RGS10: variants seen among roughly 807,000 people sequenced by gnomAD.
The protein encoded by RGS10 is regulator of G-protein signalling 10.
In RGS10, 11 loss-of-function variants were observed where a neutral mutation model predicts 23.5. The ratio of observed to expected loss-of-function variants is 0.47; its 90% CI spans 0.29 to 0.77. The LOEUF (loss-of-function observed/expected upper bound fraction) is 0.77, where lower values mean the gene tolerates loss of function less well. RGS10 is among the 30% of genes least tolerant of loss of function. RGS10 has a pLI of 0.08. For synonymous variants in RGS10, 77 were observed against 83.2 expected (o/e 0.92, Z 0.41); for missense variants, 180 against 226.3 (o/e 0.80, Z 1.31).
intron 1 of RGS10, among the ~76,000 whole-genome samples, chr10:119,541,579 A>G (rs564487020): frequency 1.3e-5 from 2 of 152,236 alleles, no homozygotes; most frequent in South Asian, 2.1e-4. Flanking sequence ...CTAAACCACA[A>G]TGTCCCTCAT....
At chr10:119,523,942 TC>T (rs1173969804) in intron 3 of RGS10, among the ~76,000 whole-genome samples, 1 of 152,000 alleles carries the variant, frequency 6.6e-6, no homozygotes, top group African/African-American at 2.4e-5. Context: ...CACAGTGGCC[TC>T]CCCCTCAAAC....
In RGS10 at chr10:119,527,382, C is replaced by A; in HGVS notation, c.92G>T (p.Ser31Ile). The A allele has an allele frequency of 6.2e-7, 1 of 1,614,254 alleles. No homozygotes were observed. ...CGCCCATTTGGCTGTGCTCTTGAGG[C>A]TCTGGTGGCTGCTGCTGGAACTGCC... ...SDGSSSSSHQ[S>I]LKSTAKWAAS... Residue 31 changes from serine (S) to isoleucine (I), a missense_variant, in exon 2 of 5, where the codon AGC (serine) becomes ATC (isoleucine). By Grantham distance (142) the Ser-to-Ile change is moderately radical (BLOSUM62 -2). Coordinates refer to ENST00000369103, the MANE Select transcript of RGS10 (RefSeq NM_001005339.2). The surrounding 1 kb of genome is among the most constrained non-coding windows in gnomAD (Gnocchi z 4.2).
chr10:119,515,803 G>A (rs182070022), intron 3 of RGS10, 151 bp from the exon 4 acceptor site: 6 of 872,560 alleles, frequency 6.9e-6, no homozygotes, highest in Non-Finnish European at 1.0e-5. Flanking sequence ...ACTCCAGAGA[G>A]AATTTCTATA....
intron 1 of RGS10, among the ~76,000 whole-genome samples, chr10:119,530,987 T>C (rs1323493020): frequency 6.6e-6 from 1 of 152,236 alleles, no homozygotes; most frequent in Non-Finnish European, 1.5e-5. Flanking sequence ...CTGATGCTTT[T>C]CTAAAGTGAC....
chr10:119,512,437 G>A (rs1844089510), intron 4 of RGS10, among the ~76,000 whole-genome samples: 1 of 152,054 alleles, frequency 6.6e-6, no homozygotes, highest in South Asian at 2.1e-4. Flanking sequence ...GGAACACAGG[G>A]GCCCTTCACA....
chr10:119,518,792 C>A (rs1437573987), intron 3 of RGS10, among the ~76,000 whole-genome samples: 1 of 151,902 alleles, frequency 6.6e-6, no homozygotes, highest in Non-Finnish European at 1.5e-5. Flanking sequence ...GCAAGCTCTG[C>A]CTCCCGGGTT....
intron 4 of RGS10, among the ~76,000 whole-genome samples, chr10:119,500,985 C>T (rs1406637254): frequency 6.6e-6 from 1 of 152,022 alleles, no homozygotes; most frequent in Non-Finnish European, 1.5e-5. Context: ...CTGCCCCCGC[C>T]GGCATGGCAG....
intron 2 of RGS10, among the ~76,000 whole-genome samples, chr10:119,526,990 G>A (rs1033324663): frequency 6.6e-6 from 1 of 152,048 alleles, no homozygotes; most frequent in Non-Finnish European, 1.5e-5. Flanking sequence ...ACGTCAGAGA[G>A]ACCCAGAGCT....
chr10:119,528,498 A>C (rs1844301271), intron 1 of RGS10, among the ~76,000 whole-genome samples: 1 of 152,084 alleles, frequency 6.6e-6, no homozygotes, highest in Admixed American at 6.6e-5. Context: ...ACTTTATTTA[A>C]ACTTCGGATA....
At chr10:119,504,291 G>A (rs1188177262) in intron 4 of RGS10, among the ~76,000 whole-genome samples, 1 of 152,214 alleles carries the variant, frequency 6.6e-6, no homozygotes, top group Non-Finnish European at 1.5e-5. Context: ...CTGGGTTCAA[G>A]CGATTCTCCT....
intron 1 of RGS10, among the ~76,000 whole-genome samples, chr10:119,534,291 A>ATAAC (rs1844361960): frequency 9.3e-6 from 1 of 107,902 alleles, no homozygotes; most frequent in African/African-American, 2.7e-5. Context: ...AAATAAATAA[A>ATAAC]TAAATAAATA....
intron 4 of RGS10, among the ~76,000 whole-genome samples, chr10:119,512,405 GAC>G (rs1432226599): frequency 6.6e-6 from 1 of 151,316 alleles, no homozygotes; most frequent in Non-Finnish European, 1.5e-5. Flanking sequence ...GCCCCGGAGA[GAC>G]AGAGTTTTCA....
At chr10:119,510,557 G>A (rs1436985303) in intron 4 of RGS10, among the ~76,000 whole-genome samples, 1 of 152,148 alleles carries the variant, frequency 6.6e-6, no homozygotes, top group African/African-American at 2.4e-5. Flanking sequence ...CCGTGTGGGG[G>A]CAGATGCTGA....
intron 4 of RGS10, among the ~76,000 whole-genome samples, chr10:119,504,292 C>A (rs1243005824): frequency 2.0e-5 from 3 of 152,176 alleles, no homozygotes; most frequent in African/African-American, 7.2e-5. Flanking sequence ...TGGGTTCAAG[C>A]GATTCTCCTG....
intron 3 of RGS10, among the ~76,000 whole-genome samples, chr10:119,520,917 G>A (rs1172829248): frequency 2.0e-5 from 3 of 152,052 alleles, no homozygotes; most frequent in Middle Eastern, 6.8e-3. Context: ...ACAATGGAAG[G>A]AAAAAAAGTT....
intron 1 of RGS10, among the ~76,000 whole-genome samples, chr10:119,528,823 G>A (rs1298941371): frequency 1.4e-5 from 2 of 146,858 alleles, no homozygotes; most frequent in African/African-American, 5.0e-5. Context: ...GACAGAGCAA[G>A]ATTCCATCTA....
intron 1 of RGS10, among the ~76,000 whole-genome samples, chr10:119,528,854 A>G (rs947675354): frequency 7.9e-5 from 12 of 151,742 alleles, no homozygotes; most frequent in African/African-American, 2.7e-4. Context: ...TAATAAATAA[A>G]TAAATAAATA....
Position 119,515,560 on chromosome 10 carries a change from C to T in RGS10, c.348G>A (p.Glu116=). The part of the protein sequence containing the change: ...VNVEGQSRLN[E]KILEEPHPLM... ...GAGGGTGCGGTTCTTCCAGGATCTT[C>T]TCGTTGAGCCGAGACTGCCCCTCCA... Residue 116 remains glutamate, a synonymous_variant, in exon 4 of 5, where the codon GAG becomes GAA. Transcript: ENST00000369103. The T allele has an allele frequency of 6.2e-7, 1 of 1,614,204 alleles. No homozygotes were observed.
chr10:119,511,644 C>T (rs1844077180), intron 4 of RGS10, among the ~76,000 whole-genome samples: 1 of 152,024 alleles, frequency 6.6e-6, no homozygotes, highest in African/African-American at 2.4e-5. Context: ...ATGAAGTGCT[C>T]ATTAAAATGA....
Sources: allele counts gnomAD v4.1 joint callset (sites outside exome capture counted in the v4.1 genomes callset), GRCh38; gene constraint gnomAD v4.1.1; non-coding constraint Gnocchi (gnomAD v3.1); transcripts MANE v1.5; gene names NCBI Gene and HGNC (gene_info 2026-07-23, HGNC 2026-07-21).